Variants in WDR81 observed in about 807,000 individuals in gnomAD.
The protein encoded by WDR81 is WD repeat domain 81.
In WDR81, 92 loss-of-function variants were observed where a neutral mutation model predicts 140.8. The ratio of observed to expected loss-of-function variants is 0.65; its 90% CI spans 0.55 to 0.78. WDR81 has a LOEUF of 0.78. Among genes scored for constraint, WDR81 ranks in the 30% least tolerant of loss-of-function variants. WDR81 has a pLI of 0.00. For synonymous variants in WDR81, 1,183 were observed against 1,156.4 expected, an observed-to-expected ratio of 1.02 and a Z score of -0.47; for missense variants, 2,502 against 2,636.4, an observed-to-expected ratio of 0.95 and a Z score of 1.12.
chr17:1,735,749 C>G lies in WDR81; in HGVS notation c.5325+32C>G. ...GGGGTCCAGTTCCCTGAGCACTCGC[C>G]TGGTTCTCTGGGGACCTGGCAAGGA... On this transcript the variant is annotated intron_variant, in intron 8 of 9. Coordinates refer to ENST00000409644, the MANE Select transcript of WDR81 (RefSeq NM_001163809.2). The surrounding 1 kb of genome is among the most constrained non-coding windows in gnomAD (Gnocchi z 4.2). 6.3e-7 allele frequency: 1 copy of G among 1,578,500 alleles called. No individual in the cohort carries two copies. The highest frequency in any genetic ancestry group is 8.6e-7 in the Non-Finnish European group (1 of 1,161,564).
chr17:1,722,350 T>C (rs1408050859), upstream of WDR81, among the ~76,000 whole-genome samples: 4 of 148,978 alleles, frequency 2.7e-5, no homozygotes, highest in African/African-American at 4.9e-5. Flanking sequence ...TCTCTCTCTT[T>C]TTTTTTTTTT....
chr17:1,732,888 G>A (rs747958222), intron 6 of WDR81, 57 bp downstream of exon 6: 394 of 1,541,044 alleles, frequency 2.6e-4, no homozygotes, highest in Admixed American at 6.7e-4. Context: ...TCCCTTGGGA[G>A]GCCCCATTCT....
intron 7 of WDR81, among the ~76,000 whole-genome samples, chr17:1,734,913 C>T (rs546053338): frequency 9.2e-5 from 14 of 152,138 alleles, no homozygotes; most frequent in South Asian, 4.1e-4. Flanking sequence ...GGGATGGTGT[C>T]GGGGAAGACA....
rs74639548 is a variant in WDR81, at chr17:1,725,229, C to A, written c.270C>A (p.Leu90=). The A allele has an allele frequency of 7.8e-6, 12 of 1,540,518 alleles. No individual in the cohort carries two copies. Among genetic ancestry groups the A allele is most frequent in the Admixed American group, 2.0e-5 (1 of 50,992 alleles). ...EGLGEAEVRT[L]LQRSVQRLPA... ...TGGGAGAAGCGGAAGTCAGGACTCT[C>A]CTGCAGCGCTCTGTGCAAAGGCTGC... is the stretch of plus-strand genomic sequence containing the variant. The change falls in exon 1 of 10, where the codon CTC becomes CTA. Residue 90 remains leucine, a synonymous_variant. Transcript: ENST00000409644.
chr17:1,731,189 A>T lies in WDR81; in HGVS notation c.4088A>T (p.Asp1363Val), dbSNP rs1464137924. The change falls in exon 4 of 10, where the codon GAC (aspartate) becomes GTC (valine). Residue 1363 changes from aspartate to valine, a missense_variant. By Grantham distance (152) the Asp-to-Val change is radical. Around this residue, in one of 3 missense-constraint regions of WDR81, gnomAD observed 1,737 missense variants for 1,843.0 expected, o/e 0.94. Transcript: ENST00000409644. The part of the protein sequence containing the change: ...IVYLSDTTLM[D>V]ILPRISHEVL... ...TACCTCTCAGACACCACACTCATGGACATCCTGCCCCGGATCAGCCATGAG... is the reference window on the plus strand; with the variant it reads ...TACCTCTCAGACACCACACTCATGGTCATCCTGCCCCGGATCAGCCATGAG... 2 of 1,613,494 alleles carry T rather than the reference A, an allele frequency of 1.2e-6. No individual in the cohort carries two copies. Among genetic ancestry groups the T allele is most frequent in the South Asian group, 1.1e-5 (1 of 91,078 alleles).
chr17:1,731,519 C>T (rs1175406552), intron 4 of WDR81, among the ~76,000 whole-genome samples: 1 of 152,178 alleles, frequency 6.6e-6, no homozygotes, highest in African/African-American at 2.4e-5. Flanking sequence ...TGCCTGTAAT[C>T]CCAGCACTTT....
chr17:1,730,305 G>T, intron 1 of WDR81, 75 bp from the exon 2 acceptor site: 6 of 1,251,696 alleles, frequency 4.8e-6, no homozygotes, highest in Non-Finnish European at 6.6e-6. Context: ...GTTGAGTGGG[G>T]TGCCGTGGGG....
At chr17:1,719,480 G>A (rs996591417) in intron 1 of WDR81, among the ~76,000 whole-genome samples, 25 of 151,692 alleles carry the variant, frequency 1.6e-4, no homozygotes, top group Admixed American at 7.2e-4. Context: ...CCCAGGAGGC[G>A]GAGCTTTGCA....
In WDR81 at chr17:1,731,226, C is replaced by G; in HGVS notation, c.4125C>G (p.Pro1375=). ...LPRISHEVLL[P]VLSFLTSLVT... ...GGATCAGCCATGAGGTCCTGCTGCCCGTGCTCAGCTTCCTCACCTCCCTCG... is the reference window on the plus strand; with the variant it reads ...GGATCAGCCATGAGGTCCTGCTGCCGGTGCTCAGCTTCCTCACCTCCCTCG... Residue 1375 remains proline, a synonymous_variant, in exon 4 of 10, where the codon CCC becomes CCG. Coordinates refer to ENST00000409644, the MANE Select transcript of WDR81 (RefSeq NM_001163809.2). 1 of 1,613,492 alleles carries G rather than the reference C, an allele frequency of 6.2e-7. No individual in the cohort carries two copies. Among genetic ancestry groups the G allele is most frequent in the Non-Finnish European group, 8.5e-7 (1 of 1,179,978 alleles).
rs558512181 is a variant in WDR81 at position 1,725,435 on chromosome 17, G to A, written c.476G>A (p.Gly159Asp). 58 of 1,549,414 alleles carry A rather than the reference G, an allele frequency of 3.7e-5. No homozygotes were observed. Among genetic ancestry groups the A allele is most frequent in the Admixed American group, 5.9e-5 (3 of 51,006 alleles). The change falls in exon 1 of 10, where the codon GGC (glycine) becomes GAC (aspartate). Residue 159 changes from glycine to aspartate, a missense_variant. By Grantham distance (94) the Gly-to-Asp change is moderately conservative. This residue lies in a region of WDR81 where 547 missense variants were observed against 513.8 expected (regional missense o/e 1.06). Coordinates refer to ENST00000409644, the MANE Select transcript of WDR81 (RefSeq NM_001163809.2). ...TGGCGCCATGCATACCACACTTACG[G>A]CCAGCCGTACAGTCACAGCCCTGCC... ...NLWRHAYHTY[G>D]QPYSHSPAPS... is the part of the protein sequence containing the mutation.
chr17:1,721,493 T>C (rs1013760422), upstream of WDR81, among the ~76,000 whole-genome samples: 2 of 151,416 alleles, frequency 1.3e-5, no homozygotes, highest in Non-Finnish European at 2.9e-5. Flanking sequence ...CACTGCAGCC[T>C]GGGTGACAGA....
chr17:1,732,463 C>G lies in WDR81; in HGVS notation c.4296C>G (p.Phe1432Leu), dbSNP rs748254148. Residue 1432 changes from phenylalanine (F) to leucine (L), a missense_variant, in exon 5 of 10, where the codon TTC becomes TTG. Around this residue, in one of 3 missense-constraint regions of WDR81, gnomAD observed 1,737 missense variants for 1,843.0 expected, o/e 0.94. Coordinates refer to ENST00000409644, the MANE Select transcript of WDR81 (RefSeq NM_001163809.2). ...SEPVATFFQV[F>L]SQLHELRQQD... is the part of the protein sequence containing the mutation. Reference sequence around the variant, plus strand: ...CCGTGGCCACCTTTTTCCAGGTCTTCTCTCAGCTGCATGAGCTTCGGCAAC... The same window carrying G: ...CCGTGGCCACCTTTTTCCAGGTCTTGTCTCAGCTGCATGAGCTTCGGCAAC... The G allele has an allele frequency of 5.0e-6, 8 of 1,613,296 alleles. No homozygotes were observed. Among genetic ancestry groups the G allele is most frequent in the Non-Finnish European group, 6.8e-6 (8 of 1,180,004 alleles).
intron 7 of WDR81, among the ~76,000 whole-genome samples, chr17:1,734,595 A>G (rs1904690796): frequency 6.6e-6 from 1 of 151,958 alleles, no homozygotes; most frequent in African/African-American, 2.4e-5. Flanking sequence ...CCTGGCTAAC[A>G]TGGTGAAACC....
At chr17:1,717,153 C>T (rs1914615609) in intron 1 of WDR81, 1 of 158,554 alleles carries the variant, frequency 6.3e-6, no homozygotes. Flanking sequence ...CTCCAAAGCT[C>T]TTCACTGACT....
Position 1,728,131 on chromosome 17 carries a change from G to A in WDR81, c.3172G>A (p.Ala1058Thr), listed in dbSNP as rs753566513. ...GATTCCCATGGATGGGGAGCCTCCTGCCTCCTCGGGCCTGGGGCTCCCAGA... is the reference window on the plus strand; with the variant it reads ...GATTCCCATGGATGGGGAGCCTCCTACCTCCTCGGGCCTGGGGCTCCCAGA... ...EEIPMDGEPP[A>T]SSGLGLPDYT... The change falls in exon 1 of 10, where the codon GCC becomes ACC. Residue 1058 changes from alanine to threonine, a missense_variant. This residue lies in a region of WDR81 where 1,737 missense variants were observed against 1,843.0 expected (regional missense o/e 0.94). Transcript: ENST00000409644. 16 of 1,606,146 alleles carry A rather than the reference G, an allele frequency of 1.0e-5. No homozygotes were observed. In the East Asian group the frequency reaches 2.2e-4, roughly 22 times the overall value.
rs1390079264 is a variant in WDR81 at position 1,728,206 on chromosome 17, G to A, written c.3247G>A (p.Glu1083Lys). ...CGACCAGGCTGACCTCCCTGAGACAGAGGACTTCCAAGCCGGGCTCTATGT... is the reference window on the plus strand; with the variant it reads ...CGACCAGGCTGACCTCCCTGAGACAAAGGACTTCCAAGCCGGGCTCTATGT... ...FHDQADLPET[E>K]DFQAGLYVTE... Residue 1083 changes from glutamate to lysine, a missense_variant, in exon 1 of 10, where the codon GAG (glutamate) becomes AAG (lysine). Glu to Lys is a moderately conservative substitution (Grantham distance 56). This residue lies in a region of WDR81 where 1,737 missense variants were observed against 1,843.0 expected (regional missense o/e 0.94). Transcript: ENST00000409644. 1 of 1,605,598 alleles carries A rather than the reference G, an allele frequency of 6.2e-7. No homozygotes were observed.
Position 1,726,653 on chromosome 17 carries a change from G to T in WDR81, c.1694G>T (p.Cys565Phe). Residue 565 changes from cysteine to phenylalanine, a missense_variant, in exon 1 of 10, where the codon TGT becomes TTT. Transcript: ENST00000409644. ...GAGGCTGTCAAGGAAAAGAATGTGT[G>T]TCTGCACCTGGTGGACGCCCACACT... ...GKEAVKEKNV[C>F]LHLVDAHTHL... 1.3e-6 allele frequency: 2 copies of T among 1,550,270 alleles called. No homozygotes were observed. Among genetic ancestry groups the T allele is most frequent in the Non-Finnish European group, 1.7e-6 (2 of 1,146,978 alleles).
Position 1,726,885 on chromosome 17 carries a change from C to T in WDR81, c.1926C>T (p.Pro642=), listed in dbSNP as rs1444428549. Residue 642 remains proline, a synonymous_variant, in exon 1 of 10, where the codon CCC becomes CCT. Coordinates refer to ENST00000409644, the MANE Select transcript of WDR81 (RefSeq NM_001163809.2). ...GVGRPVLEAT[P]CEASWTRDRP... is the part of the protein sequence containing the mutation. ...GCCGGCCAGTTTTAGAGGCCACTCC[C>T]TGTGAGGCTAGCTGGACCAGAGACA... is the stretch of plus-strand genomic sequence containing the variant. 1.8e-5 allele frequency: 28 copies of T among 1,550,284 alleles called. No individual in the cohort carries two copies. Among genetic ancestry groups the T allele is most frequent in the Non-Finnish European group, 2.4e-5 (27 of 1,146,964 alleles).
At position 1,734,178 on chromosome 17, in the gene WDR81, G is replaced by C; in HGVS notation, c.5141G>C (p.Ser1714Thr). The change falls in exon 7 of 10, where the codon AGC becomes ACC. Residue 1714 changes from serine (S) to threonine (T), a missense_variant. Coordinates refer to ENST00000409644, the MANE Select transcript of WDR81 (RefSeq NM_001163809.2). ...GQLEAPQHVV[S>T]CDGAVHVWDP... The stretch of plus-strand genomic sequence containing the variant: ...CTTGAGGCCCCGCAGCACGTGGTGA[G>C]CTGTGACGGGGCTGTGCACGTCTGG... The C allele has an allele frequency of 6.3e-7, 1 of 1,596,628 alleles. No homozygotes were observed. Among genetic ancestry groups the C allele is most frequent in the Non-Finnish European group, 8.5e-7 (1 of 1,178,720 alleles).
Sources: gnomAD v4.1 joint callset for allele counts (sites outside exome capture counted in the v4.1 genomes callset) on GRCh38, gnomAD v4.1.1 for gene constraint, gnomAD v4.1.1 regional missense constraint, Gnocchi (gnomAD v3.1) non-coding constraint, MANE v1.5 for transcripts, NCBI Gene and HGNC (gene_info 2026-07-23, HGNC 2026-07-21) for gene names.